ARHGAP29: variants seen among roughly 807,000 people sequenced by gnomAD.
ARHGAP29 encodes rho GTPase-activating protein 29.
In ARHGAP29, 43 loss-of-function variants were observed where a neutral mutation model predicts 122.6. The observed-to-expected ratio is 0.35, with a 90% CI of 0.27 to 0.45. The LOEUF is 0.45. ARHGAP29 is among the 20% of genes least tolerant of loss of function. The pLI, the probability that ARHGAP29 is intolerant of heterozygous loss-of-function variation, is 1.00. For missense variants in ARHGAP29, 1,303 were observed against 1,477.2 expected (o/e 0.88, Z 1.93); for synonymous variants, 506 against 497.1 (o/e 1.02, Z -0.24).
At chr1:94,251,226 A>G (rs978669860) in intron 1 of ARHGAP29, among the ~76,000 whole-genome samples, 2 of 147,452 alleles carry the variant, frequency 1.4e-5, no homozygotes, top group Non-Finnish European at 3.0e-5. Context: ...GCTGGAGTGC[A>G]GTGGCGCAAT....
In ARHGAP29 at chr1:94,174,544, T is replaced by A; in HGVS notation, c.3111A>T (p.Arg1037Ser). Residue 1037 changes from arginine to serine, a missense_variant, in exon 23 of 23, where the codon AGA becomes AGT. This residue lies in a region of ARHGAP29 where 620 missense variants were observed against 651.2 expected (regional missense o/e 0.95). Transcript: ENST00000260526. Reference protein sequence around the residue: ...LASPPNERNGRNMGNVNLDKF... With the variant: ...LASPPNERNGSNMGNVNLDKF... Reference sequence around the variant, plus strand: ...TGTCTAAATTTACATTTCCCATATTTCTGCCATTTCTCTCATTAGGAGGAC... The same window carrying A: ...TGTCTAAATTTACATTTCCCATATTACTGCCATTTCTCTCATTAGGAGGAC... 1 of 1,614,222 alleles carries A rather than the reference T, an allele frequency of 6.2e-7. No individual in the cohort carries two copies. Among genetic ancestry groups the A allele is most frequent in the Middle Eastern group, 1.6e-4 (1 of 6,062 alleles).
At position 94,183,138 on chromosome 1, in the gene ARHGAP29, A is replaced by T. The variant is rs80102832; in HGVS notation, c.2247+1013T>A. Among the ~76,000 whole-genome samples, 242 of 152,320 alleles carry T rather than the reference A, an allele frequency of 1.6e-3. 3 individuals carry two copies. The highest frequency in any genetic ancestry group is 5.4e-3 in the African/African-American group (226 of 41,574). On this transcript the variant is annotated intron_variant, in intron 19 of 22. Coordinates refer to ENST00000260526, the MANE Select transcript of ARHGAP29 (RefSeq NM_004815.4). The stretch of plus-strand genomic sequence containing the variant: ...TACCCTGATCTGATCATTATGCATT[A>T]TATGTATCAAAACATCACTGTGTAC...
intron 3 of ARHGAP29, among the ~76,000 whole-genome samples, chr1:94,214,983 T>C (rs1287174191): frequency 1.3e-5 from 2 of 152,040 alleles, no homozygotes; most frequent in Non-Finnish European, 2.9e-5. Flanking sequence ...ATTTTTCTTT[T>C]CTATTCTCTT....
chr1:94,202,993 T>A lies in ARHGAP29; in HGVS notation c.879A>T (p.Leu293=). ...TTTCCATTTCATTTTTCCTTCCAAG[T>A]AGAGGCTGTGAAAGGTATTTAAAAT... The part of the protein sequence containing the change: ...ALQANKFVQP[L]LGRKNEMEKQ... Residue 293 remains leucine, a synonymous_variant, in exon 10 of 23, where the codon CTA becomes CTT. Coordinates refer to ENST00000260526, the MANE Select transcript of ARHGAP29 (RefSeq NM_004815.4). 1 of 1,608,522 alleles carries A rather than the reference T, an allele frequency of 6.2e-7. No homozygotes were observed. Among genetic ancestry groups the A allele is most frequent in the Non-Finnish European group, 8.5e-7 (1 of 1,178,700 alleles).
At chr1:94,264,372 A>G (rs747050201) in intron 1 of ARHGAP29, among the ~76,000 whole-genome samples, 3 of 152,072 alleles carry the variant, frequency 2.0e-5, no homozygotes, top group Non-Finnish European at 4.4e-5. Context: ...CTGTCCCAAG[A>G]CTGAGAAGAC....
At chr1:94,227,146 T>C (rs1652659520) in intron 2 of ARHGAP29, among the ~76,000 whole-genome samples, 1 of 151,800 alleles carries the variant, frequency 6.6e-6, no homozygotes, top group African/African-American at 2.4e-5. Context: ...AAAAGTTCAA[T>C]AAAAACTTTT....
rs149136237 is a variant in ARHGAP29 at position 94,174,207 on chromosome 1, C to T, written c.3448G>A (p.Ala1150Thr). Residue 1150 changes from alanine (A) to threonine (T), a missense_variant, in exon 23 of 23, where the codon GCT becomes ACT. Physicochemically the swap from Ala to Thr is moderately conservative, Grantham distance 58. Around this residue, in one of 3 missense-constraint regions of ARHGAP29, gnomAD observed 620 missense variants for 651.2 expected, o/e 0.95. Coordinates refer to ENST00000260526, the MANE Select transcript of ARHGAP29 (RefSeq NM_004815.4). Reference sequence around the variant, plus strand: ...AGTGTTCTGGGTGCTCTGACAGGAGCGAGAGGGTAGGAATCTGAAGACCGT... The same window carrying T: ...AGTGTTCTGGGTGCTCTGACAGGAGTGAGAGGGTAGGAATCTGAAGACCGT... ...ERRSSDSYPL[A>T]PVRAPRTLQP... 6.2e-5 allele frequency: 100 copies of T among 1,614,086 alleles called. No individual in the cohort carries two copies. The Middle Eastern group carries it at 8.2e-4, about 13-fold the overall frequency.
chr1:94,220,832 A>G (rs1255990292), intron 2 of ARHGAP29, among the ~76,000 whole-genome samples: 1 of 151,996 alleles, frequency 6.6e-6, no homozygotes, highest in Non-Finnish European at 1.5e-5. Flanking sequence ...GATAAAATGT[A>G]CAGACCTTTA....
At chr1:94,292,668 G>T in the ARHGAP29 span, among the ~76,000 whole-genome samples, 2 of 152,206 alleles carry the variant, frequency 1.3e-5, no homozygotes, top group Non-Finnish European at 2.9e-5. Flanking sequence ...TGATGTTGAT[G>T]CTGTTCCTTT....
intron 5 of ARHGAP29, among the ~76,000 whole-genome samples, chr1:94,208,306 T>C (rs1373993671): frequency 6.6e-6 from 1 of 152,162 alleles, no homozygotes; most frequent in Non-Finnish European, 1.5e-5. Flanking sequence ...TGATCATCCT[T>C]AACAGAAAAT....
chr1:94,304,377 A>C, the ARHGAP29 span, among the ~76,000 whole-genome samples: 1 of 152,136 alleles, frequency 6.6e-6, no homozygotes, highest in African/African-American at 2.4e-5. Flanking sequence ...TGGGCTCAAG[A>C]AATCCTCCTG....
intron 12 of ARHGAP29, among the ~76,000 whole-genome samples, chr1:94,196,131 A>G (rs1432001263): frequency 6.6e-6 from 1 of 152,156 alleles, no homozygotes; most frequent in Non-Finnish European, 1.5e-5. Flanking sequence ...AACAGGAACC[A>G]ATTGATATTT....
the ARHGAP29 span, among the ~76,000 whole-genome samples, chr1:94,280,309 G>T: frequency 3.3e-5 from 5 of 151,984 alleles, no homozygotes; most frequent in African/African-American, 1.2e-4. Flanking sequence ...AGGGACTTTT[G>T]CTATGGAAGG....
At chr1:94,212,869 A>T (rs1307012366) in intron 3 of ARHGAP29, among the ~76,000 whole-genome samples, 1 of 151,284 alleles carries the variant, frequency 6.6e-6, no homozygotes, top group African/African-American at 2.4e-5. Flanking sequence ...AAATATACCT[A>T]CTCTTTCCTA....
At chr1:94,284,718 G>A in the ARHGAP29 span, among the ~76,000 whole-genome samples, 1 of 152,202 alleles carries the variant, frequency 6.6e-6, no homozygotes, top group African/African-American at 2.4e-5. Flanking sequence ...GATGTGGTAA[G>A]CCACTGATAC....
intron 1 of ARHGAP29, among the ~76,000 whole-genome samples, chr1:94,259,639 G>A (rs1029475569): frequency 6.6e-6 from 1 of 152,084 alleles, no homozygotes; most frequent in African/African-American, 2.4e-5. Context: ...AAGGATTGCC[G>A]GCAACCATCA....
chr1:94,295,795 A>ACACAATGTGGAATCTTCTAATTCCG, the ARHGAP29 span, among the ~76,000 whole-genome samples: 1 of 152,174 alleles, frequency 6.6e-6, no homozygotes, highest in Non-Finnish European at 1.5e-5. Context: ...TTCTAATTCC[A>ACACAATGTGGAATCTTCTAATTCCG]CATTGGGGTA....
chr1:94,193,411 C>G (rs1486510420), intron 12 of ARHGAP29: 1 of 150,784 alleles, frequency 6.6e-6, no homozygotes, highest in Non-Finnish European at 1.5e-5. Context: ...GAAAACTTCT[C>G]AAATTTTTCA....
At chr1:94,312,743 C>A in the ARHGAP29 span, among the ~76,000 whole-genome samples, 32 of 152,142 alleles carry the variant, frequency 2.1e-4, 1 homozygote, top group African/African-American at 7.2e-4. Flanking sequence ...CTGCCTGGCC[C>A]CGTCTTCTTC....
Sources: allele counts gnomAD v4.1 joint callset (sites outside exome capture counted in the v4.1 genomes callset), GRCh38; gene constraint gnomAD v4.1.1; regional missense constraint gnomAD v4.1.1; transcripts MANE v1.5; gene names NCBI Gene and HGNC (gene_info 2026-07-23, HGNC 2026-07-21).